Variants in TLE4 observed in about 807,000 individuals in gnomAD.
TLE4 encodes the protein transducin-like enhancer protein 4.
A neutral mutation model predicts 92.8 loss-of-function variants in TLE4; 8 were observed. The observed-to-expected ratio is 0.09, with a 90% confidence interval of 0.05 to 0.16. TLE4 has a LOEUF of 0.16. Ranked by LOEUF, TLE4 falls within the 10% of genes least tolerant of loss-of-function variation. The pLI, the probability that TLE4 is intolerant of heterozygous loss-of-function variation, is 1.00. For synonymous variants in TLE4, 371 were observed against 374.1 expected (o/e 0.99, Z 0.10); for missense variants, 675 against 997.6 (o/e 0.68, Z 4.36).
chr9:79,641,942 A>G (rs1048122419), intron 6 of TLE4, among the ~76,000 whole-genome samples: 1 of 151,838 alleles, frequency 6.6e-6, no homozygotes, highest in African/African-American at 2.4e-5. Context: ...TAGTGGGCAT[A>G]GTGGACTTTT....
intron 6 of TLE4, among the ~76,000 whole-genome samples, chr9:79,628,140 T>C (rs2053152756): frequency 6.6e-6 from 1 of 151,964 alleles, no homozygotes; most frequent in Admixed American, 6.6e-5. Flanking sequence ...AACTTAGAAA[T>C]AACAATAAAG....
rs952169486 is a variant in TLE4, at chr9:79,720,217, G to A, written c.1762G>A (p.Asp588Asn). The A allele has an allele frequency of 3.7e-6, 6 of 1,614,176 alleles. No individual in the cohort carries two copies. The highest frequency in any genetic ancestry group is 2.2e-5 in the East Asian group (1 of 44,878). Residue 588 changes from aspartate (D) to asparagine (N), a missense_variant, in exon 16 of 20, where the codon GAT (aspartate) becomes AAT (asparagine). By Grantham distance (23) the Asp-to-Asn change is conservative (BLOSUM62 1). Around this residue, in one of 5 missense-constraint regions of TLE4, gnomAD observed 170 missense variants for 359.6 expected, o/e 0.47. Coordinates refer to ENST00000376552, the MANE Select transcript of TLE4 (RefSeq NM_007005.6). Reference protein sequence around the residue: ...PACYALAISPDSKVCFSCCSD... With the variant: ...PACYALAISPNSKVCFSCCSD... The stretch of plus-strand genomic sequence containing the variant: ...CTGCTATGCCCTGGCCATCAGCCCC[G>A]ATTCCAAGGTCTGCTTCTCATGCTG...
intron 5 of TLE4, 62 bp from the exon 6 acceptor site, chr9:79,627,312 A>AAGCTGT (rs2052873327): frequency 6.4e-7 from 1 of 1,555,180 alleles, no homozygotes; most frequent in African/African-American, 1.4e-5. Context: ...ATGTTAGGAA[A>AAGCTGT]AGCTGTTCTT....
intron 8 of TLE4, among the ~76,000 whole-genome samples, chr9:79,684,808 C>T (rs184467985): frequency 6.6e-6 from 1 of 152,286 alleles, no homozygotes; most frequent in African/African-American, 2.4e-5. Context: ...ATGTGTGCTA[C>T]TGTGCCATTG....
At chr9:79,665,808 T>G (rs1247855723) in intron 8 of TLE4, among the ~76,000 whole-genome samples, 1 of 152,234 alleles carries the variant, frequency 6.6e-6, no homozygotes, top group Non-Finnish European at 1.5e-5. Context: ...GTAAATAATT[T>G]TATTTGTTTT....
intron 6 of TLE4, among the ~76,000 whole-genome samples, chr9:79,633,837 G>A (rs2054985989): frequency 6.6e-6 from 1 of 152,156 alleles, no homozygotes; most frequent in Non-Finnish European, 1.5e-5. Context: ...GAAGCTGAGA[G>A]GGAGGGAAGA....
intron 4 of TLE4, among the ~76,000 whole-genome samples, chr9:79,600,945 C>T (rs1033690842): frequency 6.6e-6 from 1 of 152,086 alleles, no homozygotes; most frequent in Non-Finnish European, 1.5e-5. Flanking sequence ...CAAGTTGGTT[C>T]ACTCGAGATA....
intron 4 of TLE4, among the ~76,000 whole-genome samples, chr9:79,586,575 G>A (rs1229279897): frequency 1.3e-5 from 2 of 152,172 alleles, no homozygotes; most frequent in Non-Finnish European, 2.9e-5. Flanking sequence ...GTGGCTTACA[G>A]TGAGCTTGAC....
intron 14 of TLE4, 105 bp downstream of exon 14, chr9:79,709,804 A>T (rs1432920637): frequency 1.2e-6 from 1 of 856,612 alleles, no homozygotes; most frequent in African/African-American, 1.7e-5. Context: ...AGTTCCCATG[A>T]CTTGTATTTT....
At chr9:79,576,973 A>G (rs1243419601) in intron 4 of TLE4, among the ~76,000 whole-genome samples, 1 of 151,636 alleles carries the variant, frequency 6.6e-6, no homozygotes, top group Admixed American at 6.6e-5. Context: ...ACAAATATAT[A>G]TACATACATA....
chr9:79,614,851 A>G (rs1180872375), intron 5 of TLE4, among the ~76,000 whole-genome samples: 3 of 152,084 alleles, frequency 2.0e-5, no homozygotes, highest in Non-Finnish European at 4.4e-5. Context: ...TGTGTAGCCC[A>G]CATAAAATGG....
intron 6 of TLE4, among the ~76,000 whole-genome samples, chr9:79,647,956 A>G (rs1363056095): frequency 1.3e-5 from 2 of 151,534 alleles, no homozygotes; most frequent in African/African-American, 2.4e-5. Context: ...ATTTATACAT[A>G]TAGAGACAGA....
intron 9 of TLE4, among the ~76,000 whole-genome samples, chr9:79,705,624 A>G (rs2071324525): frequency 6.6e-6 from 1 of 152,248 alleles, no homozygotes; most frequent in Non-Finnish European, 1.5e-5. Context: ...GCCAACCATC[A>G]GCTTCAAGTT....
Position 79,612,642 on chromosome 9 carries a change from C to T in TLE4, c.253-14C>T, listed in dbSNP as rs912737701. 1 of 1,611,940 alleles carries T rather than the reference C, an allele frequency of 6.2e-7. No homozygotes were observed. Among genetic ancestry groups the T allele is most frequent in the African/African-American group, 1.3e-5 (1 of 74,884 alleles). ...TGTTCTCTTTATTGCTTTCCTTTCCCTTATTTTTTGCAGGCAGAGATTGTC... is the reference window on the plus strand; with the variant it reads ...TGTTCTCTTTATTGCTTTCCTTTCCTTTATTTTTTGCAGGCAGAGATTGTC... On this transcript the variant is annotated splice_polypyrimidine_tract_variant and intron_variant, in intron 4 of 19. Coordinates refer to ENST00000376552, the MANE Select transcript of TLE4 (RefSeq NM_007005.6).
At chr9:79,656,401 C>T (rs1018461151) in intron 8 of TLE4, among the ~76,000 whole-genome samples, 3 of 152,120 alleles carry the variant, frequency 2.0e-5, no homozygotes, top group Non-Finnish European at 2.9e-5. Context: ...AGGTAATGAA[C>T]GTGACATAAA....
chr9:79,633,350 T>C (rs1397855936), intron 6 of TLE4, among the ~76,000 whole-genome samples: 13 of 152,186 alleles, frequency 8.5e-5, no homozygotes, highest in Non-Finnish European at 1.5e-5. Flanking sequence ...ATCAATCCTC[T>C]CACCTCCAAA....
intron 8 of TLE4, among the ~76,000 whole-genome samples, chr9:79,677,610 T>G (rs1187256083): frequency 2.2e-4 from 7 of 32,228 alleles, no homozygotes; most frequent in Non-Finnish European, 8.7e-4. Context: ...GTTTCTTCAT[T>G]TTTTTTTTTT....
intron 8 of TLE4, among the ~76,000 whole-genome samples, chr9:79,666,212 T>G (rs13302153): frequency 0.091 from 5,028 of 55,476 alleles, 183 homozygotes; most frequent in African/African-American, 0.12. Flanking sequence ...GGGTTTTTTT[T>G]TTTTGTTTTT....
intron 15 of TLE4, 29 bp downstream of exon 15, chr9:79,719,000 G>T: frequency 6.3e-7 from 1 of 1,585,476 alleles, no homozygotes; most frequent in Admixed American, 1.7e-5. Context: ...ACAAGACTTA[G>T]ACTTTCATTC....
Sources: allele counts gnomAD v4.1 joint callset (sites outside exome capture counted in the v4.1 genomes callset), GRCh38; gene constraint gnomAD v4.1.1; regional missense constraint gnomAD v4.1.1; transcripts MANE v1.5; gene names NCBI Gene and HGNC (gene_info 2026-07-23, HGNC 2026-07-21).